The following SPAG16 variants were observed in gnomAD, a reference collection of about 807,000 sequenced individuals.
SPAG16 encodes sperm-associated antigen 16 protein.
In SPAG16, 86 loss-of-function variants were observed where a neutral mutation model predicts 80.4. That is an observed-to-expected ratio of 1.07 (90% confidence interval 0.90 to 1.28). The LOEUF (loss-of-function observed/expected upper bound fraction) is 1.28, where lower values mean the gene tolerates loss of function less well. SPAG16 is among the 50% of genes most tolerant of loss of function. The pLI, the probability that SPAG16 is intolerant of heterozygous loss-of-function variation, is 0.00. For missense variants in SPAG16, 870 were observed against 765.3 expected (o/e 1.14, Z -1.61); for synonymous variants, 294 against 265.9 (o/e 1.11, Z -1.03).
chr2:214,336,660 T>C (rs984413640), intron 15 of SPAG16, among the ~76,000 whole-genome samples: 3 of 152,030 alleles, frequency 2.0e-5, no homozygotes, highest in African/African-American at 7.2e-5. Context: ...TACACAAGAC[T>C]ATTCAATATT....
intron 9 of SPAG16, among the ~76,000 whole-genome samples, chr2:213,450,412 G>A (rs1056764419): frequency 5.9e-5 from 9 of 152,258 alleles, no homozygotes; most frequent in East Asian, 1.9e-4. Flanking sequence ...TTATATCTTC[G>A]TTTAACTTGG....
At chr2:213,529,640 T>C (rs1171488587) in intron 10 of SPAG16, among the ~76,000 whole-genome samples, 1 of 152,192 alleles carries the variant, frequency 6.6e-6, no homozygotes, top group Non-Finnish European at 1.5e-5. Context: ...GCTCCTAGGC[T>C]ATAATCTGTA....
At chr2:213,473,516 A>G (rs935017990) in intron 9 of SPAG16, among the ~76,000 whole-genome samples, 5 of 151,996 alleles carry the variant, frequency 3.3e-5, no homozygotes, top group Non-Finnish European at 7.4e-5. Context: ...TGACTAATCC[A>G]CTCCAGCATC....
chr2:214,163,566 A>ATG (rs569816761), intron 15 of SPAG16, among the ~76,000 whole-genome samples: 1,415 of 134,854 alleles, frequency 0.01, 22 homozygotes, highest in African/African-American at 0.033. Context: ...GTCTGTGTAT[A>ATG]TGTGTGTGTG....
At chr2:213,788,265 A>G (rs1198839353) in intron 10 of SPAG16, among the ~76,000 whole-genome samples, 5 of 151,986 alleles carry the variant, frequency 3.3e-5, no homozygotes, top group Non-Finnish European at 7.4e-5. Flanking sequence ...TATAGTCAAT[A>G]TAAGTATTTA....
intron 15 of SPAG16, among the ~76,000 whole-genome samples, chr2:214,326,433 T>C (rs1204477268): frequency 6.6e-6 from 1 of 152,104 alleles, no homozygotes; most frequent in Admixed American, 6.6e-5. Flanking sequence ...ATTTGTGTTG[T>C]TTTAAGCCAT....
intron 15 of SPAG16, among the ~76,000 whole-genome samples, chr2:214,325,840 TG>T (rs1282830879): frequency 6.6e-6 from 1 of 152,166 alleles, no homozygotes; most frequent in Non-Finnish European, 1.5e-5. Flanking sequence ...ATAGAGATAT[TG>T]ATTTTAAAGG....
chr2:213,974,467 A>T (rs1194648529), intron 12 of SPAG16, among the ~76,000 whole-genome samples: 1 of 151,930 alleles, frequency 6.6e-6, no homozygotes, highest in African/African-American at 2.4e-5. Context: ...TACTAGGCAA[A>T]TGCAGTTAAA....
chr2:213,588,808 CAAAAAAAAAAAAAAAAAAAA>C (rs59813410), intron 10 of SPAG16, among the ~76,000 whole-genome samples: 6 of 28,952 alleles, frequency 2.1e-4, no homozygotes, highest in Admixed American at 7.4e-4. Context: ...GACTCCGTCT[CAAAAAAAAAAAAAAAAAAAA>C]AAAAAAAAAA....
intron 13 of SPAG16, among the ~76,000 whole-genome samples, chr2:214,093,241 A>G (rs2052344381): frequency 6.6e-6 from 1 of 152,032 alleles, no homozygotes; most frequent in Admixed American, 6.6e-5. Flanking sequence ...TTTGGAATAA[A>G]TGATGTGGTT....
At chr2:213,518,251 C>T (rs931053151) in intron 10 of SPAG16, among the ~76,000 whole-genome samples, 1 of 152,176 alleles carries the variant, frequency 6.6e-6, no homozygotes, top group African/African-American at 2.4e-5. Context: ...GATGCAAAAC[C>T]ATCGTACACC....
At chr2:213,585,549 T>G (rs1317053211) in intron 10 of SPAG16, among the ~76,000 whole-genome samples, 1 of 152,164 alleles carries the variant, frequency 6.6e-6, no homozygotes, top group African/African-American at 2.4e-5. Context: ...AGTTCTGGGA[T>G]TATGATGTAA....
chr2:213,422,447 C>T, intron 9 of SPAG16: 1 of 599,604 alleles, frequency 1.7e-6, no homozygotes, highest in South Asian at 2.0e-5. Context: ...TCACACACCC[C>T]TCACCTCTCT....
intron 13 of SPAG16, among the ~76,000 whole-genome samples, chr2:214,019,947 A>G (rs562999016): frequency 1.6e-4 from 24 of 152,306 alleles, no homozygotes; most frequent in Admixed American, 1.1e-3. Flanking sequence ...TATATTCTAT[A>G]TAACTATAGC....
intron 15 of SPAG16, among the ~76,000 whole-genome samples, chr2:214,290,828 T>G (rs1470090426): frequency 6.6e-6 from 1 of 152,238 alleles, no homozygotes; most frequent in Non-Finnish European, 1.5e-5. Context: ...ATGTTCCATT[T>G]GCTGATGAGA....
intron 10 of SPAG16, among the ~76,000 whole-genome samples, chr2:213,583,314 AC>A: frequency 6.6e-6 from 1 of 152,280 alleles, no homozygotes; most frequent in South Asian, 2.1e-4. Flanking sequence ...TGGATCCAAA[AC>A]AAAAGTATAT....
intron 9 of SPAG16, among the ~76,000 whole-genome samples, chr2:213,391,448 G>T (rs2067746892): frequency 6.6e-6 from 1 of 152,134 alleles, no homozygotes; most frequent in Non-Finnish European, 1.5e-5. Context: ...TTAGTTTGAA[G>T]CCTAATATGT....
chr2:213,870,425 G>A (rs1156880823), intron 11 of SPAG16, among the ~76,000 whole-genome samples: 2 of 152,122 alleles, frequency 1.3e-5, no homozygotes, highest in Non-Finnish European at 2.9e-5. Context: ...ATGTATTATA[G>A]ATAAATAAAT....
At chr2:213,672,837 G>T (rs1359941437) in intron 10 of SPAG16, among the ~76,000 whole-genome samples, 5 of 142,466 alleles carry the variant, frequency 3.5e-5, no homozygotes, top group African/African-American at 1.0e-4. Context: ...GTTTTTTTTT[G>T]TTTGTTTGTT....
Sources: gnomAD v4.1 joint callset for allele counts (sites outside exome capture counted in the v4.1 genomes callset) on GRCh38, gnomAD v4.1.1 for gene constraint, MANE v1.5 for transcripts, NCBI Gene and HGNC (gene_info 2026-07-23, HGNC 2026-07-21) for gene names.